Variants in TTC7B observed in about 807,000 individuals in gnomAD.
TTC7B encodes tetratricopeptide repeat domain 7B, also known as tetratricopeptide repeat protein 7B.
TTC7B carries 28 observed loss-of-function variants against 106.8 expected under a neutral mutation model. The ratio of observed to expected loss-of-function variants is 0.26; its 90% CI spans 0.19 to 0.36. The LOEUF (loss-of-function observed/expected upper bound fraction) is 0.36, where lower values mean the gene tolerates loss of function less well. Ranked by LOEUF, TTC7B falls within the 10% of genes least tolerant of loss-of-function variation. TTC7B has a pLI of 1.00. For missense variants in TTC7B, 862 were observed against 1,076.4 expected (o/e 0.80, Z 2.79); for synonymous variants, 405 against 430.6 (o/e 0.94, Z 0.74).
chr14:90,537,570 CCT>C lies in TTC7B; in HGVS notation c.*3796_*3797del, dbSNP rs557563799. 6.6e-5 allele frequency: 10 copies of C among 152,380 alleles called. No individual in the cohort carries two copies. In the East Asian group the frequency reaches 1.4e-3, roughly 21 times the overall value. 9.4% of individuals were successfully genotyped at this position (152,380 alleles called of 1,614,324 possible). A position where few individuals can be genotyped will look rare whatever the true frequency, so the allele number is the denominator to read the frequency against. ...TCCACGAGGCCGCACCTGTGTGGCC[CCT>C]GTTAAACTTCTGACCTCTTCTCATC... On this transcript the variant is annotated 3_prime_UTR_variant, in exon 20 of 20. Coordinates refer to ENST00000328459, the MANE Select transcript of TTC7B (RefSeq NM_001010854.2).
At chr14:90,611,470 C>T (rs574853055) in intron 16 of TTC7B, among the ~76,000 whole-genome samples, 1 of 152,264 alleles carries the variant, frequency 6.6e-6, no homozygotes, top group Admixed American at 6.5e-5. Flanking sequence ...ATTCTGGGGT[C>T]CCCAGAATGT....
At chr14:90,637,411 C>G (rs977984784) in intron 15 of TTC7B, among the ~76,000 whole-genome samples, 2 of 151,766 alleles carry the variant, frequency 1.3e-5, no homozygotes, top group Non-Finnish European at 2.9e-5. Flanking sequence ...AAAACCCCCC[C>G]CCAGCCCCAC....
intron 19 of TTC7B, among the ~76,000 whole-genome samples, chr14:90,560,411 G>A (rs2139783162): frequency 6.6e-6 from 1 of 152,358 alleles, no homozygotes; most frequent in East Asian, 1.9e-4. Flanking sequence ...AGACAACACA[G>A]AAGACACAGG....
rs1033441617 is a variant in TTC7B at position 90,537,273 on chromosome 14, A to T, written c.*4095T>A. On this transcript the variant is annotated 3_prime_UTR_variant, in exon 20 of 20. Transcript: ENST00000328459. Reference sequence around the variant, plus strand: ...GGCGTGATCACTCACTGCAGCCTCAACCACCTGGGCTCAAGCAATCAGCCC... The same window carrying T: ...GGCGTGATCACTCACTGCAGCCTCATCCACCTGGGCTCAAGCAATCAGCCC... The T allele has an allele frequency of 6.6e-6, 1 of 151,916 alleles. No individual in the cohort carries two copies. Among genetic ancestry groups the T allele is most frequent in the Admixed American group, 6.6e-5 (1 of 15,248 alleles). The allele number at this position is 151,916 out of a possible 1,614,324, so 9.4% of individuals were successfully genotyped here.
intron 4 of TTC7B, 46 bp from the exon 5 acceptor site, chr14:90,730,242 C>A (rs771956562): frequency 6.4e-7 from 1 of 1,572,856 alleles, no homozygotes; most frequent in Non-Finnish European, 8.6e-7. Context: ...CACATCCAAG[C>A]CTACTTCCTT....
chr14:90,645,466 C>G (rs1010836923), intron 14 of TTC7B, among the ~76,000 whole-genome samples: 1 of 152,134 alleles, frequency 6.6e-6, no homozygotes, highest in Non-Finnish European at 1.5e-5. Context: ...TGATTCCTGT[C>G]CATCCTCTCC....
intron 3 of TTC7B, among the ~76,000 whole-genome samples, chr14:90,778,034 C>G (rs754617999): frequency 8.5e-5 from 13 of 152,186 alleles, no homozygotes; most frequent in Non-Finnish European, 1.8e-4. Flanking sequence ...ATGTGACACA[C>G]TGAGTAGGAC....
chr14:90,582,637 G>A (rs2139810470), intron 18 of TTC7B, among the ~76,000 whole-genome samples: 1 of 152,344 alleles, frequency 6.6e-6, no homozygotes, highest in Middle Eastern at 3.4e-3. Flanking sequence ...AGCTCTCTTG[G>A]AGACCGCAGG....
intron 4 of TTC7B, among the ~76,000 whole-genome samples, chr14:90,737,837 G>A (rs1382669470): frequency 2.0e-5 from 3 of 152,102 alleles, no homozygotes; most frequent in Non-Finnish European, 2.9e-5. Flanking sequence ...GATTATAGGC[G>A]TGAGCCACTG....
Position 90,597,602 on chromosome 14 carries a change from G to A in TTC7B, c.1967-3976C>T, listed in dbSNP as rs563279620. On this transcript the variant is annotated intron_variant, in intron 17 of 19. Transcript: ENST00000328459. ...GAACCCCAGAGGTGGAGGTTGCAGT[G>A]AGCTGAGACTGCGCCATTGCACTCC... 6.4e-4 allele frequency among the ~76,000 whole-genome samples: 97 copies of A among 152,062 alleles called. 3 individuals are homozygous for A. The South Asian group carries it at 0.016, about 26-fold the overall frequency.
rs754535247 is a variant in TTC7B at position 90,786,178 on chromosome 14, A to G, written c.272T>C (p.Leu91Pro). The change falls in exon 2 of 20, where the codon CTT (leucine) becomes CCT (proline). Residue 91 changes from leucine (L) to proline (P), a missense_variant. Leu to Pro is a moderately conservative substitution (Grantham distance 98). Coordinates refer to ENST00000328459, the MANE Select transcript of TTC7B (RefSeq NM_001010854.2). Reference sequence around the variant, plus strand: ...CAGCCCAGAGGCCCATGGTACCTTAAGGTTCCCTCGGTCCAGGGCGGCGGT... The same window carrying G: ...CAGCCCAGAGGCCCATGGTACCTTAGGGTTCCCTCGGTCCAGGGCGGCGGT... ...HLTAALDRGN[L>P]KSEFLQESNL... 1 of 1,547,048 alleles carries G rather than the reference A, an allele frequency of 6.5e-7. No individual in the cohort carries two copies. Among genetic ancestry groups the G allele is most frequent in the Non-Finnish European group, 8.7e-7 (1 of 1,150,372 alleles).
intron 5 of TTC7B, among the ~76,000 whole-genome samples, chr14:90,700,591 A>C (rs1243037631): frequency 6.6e-6 from 1 of 151,806 alleles, no homozygotes; most frequent in African/African-American, 2.4e-5. Context: ...CTCCTTGCTG[A>C]AAAGAGTTAT....
chr14:90,531,953 G>T lies in TTC7B; in HGVS notation c.*9415C>A, dbSNP rs1445729735. 6.6e-6 allele frequency: 1 copy of T among 152,324 alleles called. No individual in the cohort carries two copies. Among genetic ancestry groups the T allele is most frequent in the African/African-American group, 2.4e-5 (1 of 41,566 alleles). The allele number at this position is 152,324 out of a possible 1,614,324, so 9.4% of individuals were successfully genotyped here. On this transcript the variant is annotated 3_prime_UTR_variant, in exon 20 of 20. Coordinates refer to ENST00000328459, the MANE Select transcript of TTC7B (RefSeq NM_001010854.2). ...TCCCAGACCTTTAAGAGGCTGAGGG[G>T]ACCAGATCACTTGAGACCAGGAGTT...
chr14:90,653,016 T>A, intron 12 of TTC7B, 118 bp from the exon 13 acceptor site: 1 of 1,057,320 alleles, frequency 9.5e-7, no homozygotes, highest in South Asian at 1.3e-5. Flanking sequence ...TCTGAGTGCC[T>A]ACGTGCCCAG....
chr14:90,802,656 C>A lies in TTC7B; in HGVS notation c.121+13519G>T, dbSNP rs2030345752. ...GACACTTTGGAGCATGGGAATCCGACCTACTGAAGAGCGGCGGTGCTCCTC... is the reference window on the plus strand; with the variant it reads ...GACACTTTGGAGCATGGGAATCCGAACTACTGAAGAGCGGCGGTGCTCCTC... On this transcript the variant is annotated intron_variant, in intron 1 of 19. Coordinates refer to ENST00000328459, the MANE Select transcript of TTC7B (RefSeq NM_001010854.2). This position sits in a 1 kb window ranked among gnomAD's most constrained non-coding sequence, Gnocchi z 4.7. Among the ~76,000 whole-genome samples, 1 of 152,164 alleles carries A rather than the reference C, an allele frequency of 6.6e-6. No individual in the cohort carries two copies. The highest frequency in any genetic ancestry group is 2.4e-5 in the African/African-American group (1 of 41,434).
chr14:90,764,343 A>G (rs1890603365), intron 3 of TTC7B, among the ~76,000 whole-genome samples: 1 of 152,174 alleles, frequency 6.6e-6, no homozygotes, highest in African/African-American at 2.4e-5. Flanking sequence ...TTTAAGAGTA[A>G]AAACTATAAA....
chr14:90,659,581 G>T (rs1317828166), intron 9 of TTC7B, among the ~76,000 whole-genome samples: 1 of 152,108 alleles, frequency 6.6e-6, no homozygotes, highest in Non-Finnish European at 1.5e-5. Flanking sequence ...GGGTGGGAGG[G>T]CATGCAGCAG....
intron 1 of TTC7B, among the ~76,000 whole-genome samples, chr14:90,788,696 G>A (rs535351318): frequency 6.6e-6 from 1 of 152,248 alleles, no homozygotes; most frequent in East Asian, 1.9e-4. Context: ...AGGGCGCAGT[G>A]GCTCACACCT....
chr14:90,696,846 C>T (rs1459346038), intron 5 of TTC7B, among the ~76,000 whole-genome samples: 10 of 152,162 alleles, frequency 6.6e-5, no homozygotes, highest in African/African-American at 2.4e-4. Context: ...CTAACAGAGA[C>T]GTGAATAAAG....
Sources: gnomAD v4.1 joint callset for allele counts (sites outside exome capture counted in the v4.1 genomes callset) on GRCh38, gnomAD v4.1.1 for gene constraint, Gnocchi (gnomAD v3.1) non-coding constraint, MANE v1.5 for transcripts, NCBI Gene and HGNC (gene_info 2026-07-23, HGNC 2026-07-21) for gene names.